RTN1: variants seen among roughly 807,000 people sequenced by gnomAD.
RTN1 encodes the protein reticulon 1.
A neutral mutation model predicts 65.5 loss-of-function variants in RTN1; 25 were observed. The observed-to-expected ratio is 0.38, with a 90% CI of 0.28 to 0.53. The LOEUF (loss-of-function observed/expected upper bound fraction) is 0.53. Among genes scored for constraint, RTN1 ranks in the 20% least tolerant of loss-of-function variants. The pLI, the probability that RTN1 is intolerant of heterozygous loss-of-function variation, is 0.79. For synonymous variants in RTN1, 471 were observed against 447.6 expected, an observed-to-expected ratio of 1.05 and a Z score of -0.66; for missense variants, 983 against 1,025.4, an observed-to-expected ratio of 0.96 and a Z score of 0.57.
chr14:59,810,800 A>G (rs1290656127), intron 1 of RTN1, among the ~76,000 whole-genome samples: 1 of 152,176 alleles, frequency 6.6e-6, no homozygotes, highest in Non-Finnish European at 1.5e-5. Flanking sequence ...CAGCAAGACA[A>G]TATGTTGCGT....
At chr14:59,770,686 A>C (rs1885939204) in intron 1 of RTN1, among the ~76,000 whole-genome samples, 1 of 152,228 alleles carries the variant, frequency 6.6e-6, no homozygotes, top group South Asian at 2.1e-4. Flanking sequence ...GTATTCAAAA[A>C]TGAAAATAAA....
rs143704111 is a variant in RTN1 at position 59,676,085 on chromosome 14, T to C, written c.1765+50834A>G. On this transcript the variant is annotated intron_variant, in intron 3 of 8. Coordinates refer to ENST00000267484, the MANE Select transcript of RTN1 (RefSeq NM_021136.3). ...CTTCATGAGGGGAGGTTCATCATTG[T>C]ATCATTAATACCTAGCATAGTGACT... Among the ~76,000 whole-genome samples, 191 of 152,334 alleles carry C rather than the reference T, an allele frequency of 1.3e-3. 1 individual carries two copies. The highest frequency in any genetic ancestry group is 4.5e-3 in the African/African-American group (186 of 41,562).
chr14:59,793,040 A>G (rs1291952174), intron 1 of RTN1, among the ~76,000 whole-genome samples: 1 of 152,178 alleles, frequency 6.6e-6, no homozygotes, highest in Non-Finnish European at 1.5e-5. Flanking sequence ...CTCTAAAAAT[A>G]TTGTTTTGAG....
chr14:59,864,552 G>GAA (rs56409250), intron 1 of RTN1, among the ~76,000 whole-genome samples: 3 of 150,336 alleles, frequency 2.0e-5, no homozygotes, highest in South Asian at 4.2e-4. Context: ...CCCCCACCAA[G>GAA]AAAAAAAAAG....
chr14:59,830,739 G>T (rs1311722720), intron 1 of RTN1, among the ~76,000 whole-genome samples: 1 of 152,144 alleles, frequency 6.6e-6, no homozygotes, highest in East Asian at 1.9e-4. Context: ...TTAATTTTCT[G>T]ATCTGCAAAA....
At chr14:59,763,960 C>G (rs955212552) in intron 1 of RTN1, among the ~76,000 whole-genome samples, 3 of 152,156 alleles carry the variant, frequency 2.0e-5, no homozygotes, top group African/African-American at 7.2e-5. Flanking sequence ...AGAATAGTTG[C>G]TATTGTGAGG....
rs1887213799 is a variant in RTN1 at position 59,836,414 on chromosome 14, T to C, written c.241+33976A>G. On this transcript the variant is annotated intron_variant, in intron 1 of 8. Transcript: ENST00000267484. The surrounding 1 kb of genome is among the most constrained non-coding windows in gnomAD (Gnocchi z 4.9). ...ATGAGGACTCTCAGGCACAGAGAGA[T>C]TAAGGAACTCCCCACATCACACAAC... 6.6e-6 allele frequency among the ~76,000 whole-genome samples: 1 copy of C among 152,276 alleles called. No homozygotes were observed. The highest frequency in any genetic ancestry group is 3.4e-3 in the Middle Eastern group (1 of 294).
intron 1 of RTN1, among the ~76,000 whole-genome samples, chr14:59,749,542 TATATTTATATAG>T (rs1380622476): frequency 1.1e-4 from 6 of 56,852 alleles, no homozygotes; most frequent in African/African-American, 7.5e-4. Flanking sequence ...TCTATCTATA[TATATTTATATAG>T]ATATCTATAT....
downstream of RTN1, chr14:59,595,982 C>T (rs746235289): frequency 4.6e-5 from 7 of 152,586 alleles, no homozygotes; most frequent in Admixed American, 6.6e-5. Context: ...GGAGAACATT[C>T]TACATTTAGT....
In RTN1 at chr14:59,596,772, G is replaced by A; in HGVS notation, c.2304C>T (p.Ile768=). 4 of 1,611,630 alleles carry A rather than the reference G, an allele frequency of 2.5e-6. No individual in the cohort carries two copies. Among genetic ancestry groups the A allele is most frequent in the Non-Finnish European group, 3.4e-6 (4 of 1,177,850 alleles). The change falls in exon 9 of 9, where the codon ATC becomes ATT. Residue 768 remains isoleucine (I), a synonymous_variant. Transcript: ENST00000267484. ...NAVVAKIQAK[I]PGAKRHAE ...ACTCAGCATGCCTCTTAGCGCCTGG[G>A]ATTTTAGCCTGAATCCTAAAAAGAC...
At chr14:59,869,839 A>T (rs893761104) in intron 1 of RTN1, among the ~76,000 whole-genome samples, 2 of 152,006 alleles carry the variant, frequency 1.3e-5, no homozygotes, top group African/African-American at 4.8e-5. Context: ...GAAAAGGCGG[A>T]GGGATGTGGG....
intron 3 of RTN1, chr14:59,630,873 G>T (rs1426978195): frequency 3.0e-5 from 30 of 990,634 alleles, no homozygotes; most frequent in Non-Finnish European, 3.4e-5. Flanking sequence ...GGGAAAAAGG[G>T]CTGACGGTGG....
intron 1 of RTN1, among the ~76,000 whole-genome samples, chr14:59,823,612 G>A (rs148678136): frequency 3.9e-5 from 6 of 151,986 alleles, no homozygotes; most frequent in Admixed American, 1.3e-4. Context: ...CATCTCTTCC[G>A]GCTTACAAAG....
chr14:59,726,449 T>G (rs1884762204), intron 3 of RTN1, among the ~76,000 whole-genome samples: 1 of 152,198 alleles, frequency 6.6e-6, no homozygotes, highest in Non-Finnish European at 1.5e-5. Flanking sequence ...AGGATGGAGC[T>G]GAGCTCCATT....
At chr14:59,750,012 ATAT>A (rs1364191409) in intron 1 of RTN1, among the ~76,000 whole-genome samples, 2 of 67,346 alleles carry the variant, frequency 3.0e-5, no homozygotes, top group Non-Finnish European at 5.2e-5. Context: ...ATATACATAT[ATAT>A]TATATATTAT....
At chr14:59,761,175 A>C (rs1199334544) in intron 1 of RTN1, among the ~76,000 whole-genome samples, 1 of 152,218 alleles carries the variant, frequency 6.6e-6, no homozygotes, top group Non-Finnish European at 1.5e-5. Context: ...TTTGAAAGAC[A>C]TTAAAGTCAG....
chr14:59,867,053 T>C (rs1887810722), intron 1 of RTN1, among the ~76,000 whole-genome samples: 1 of 152,214 alleles, frequency 6.6e-6, no homozygotes, highest in Admixed American at 6.5e-5. Context: ...CATATTGGAC[T>C]GATTTTTCCT....
At chr14:59,716,967 CAACA>C (rs1312368088) in intron 3 of RTN1, among the ~76,000 whole-genome samples, 6 of 135,838 alleles carry the variant, frequency 4.4e-5, no homozygotes, top group South Asian at 2.6e-4. Flanking sequence ...GACTCCATCT[CAACA>C]AACAAACAAA....
At chr14:59,607,723 A>G in intron 3 of RTN1, 2 of 541,036 alleles carry the variant, frequency 3.7e-6, no homozygotes, top group East Asian at 6.6e-5. Flanking sequence ...CATATAAGAA[A>G]AGACTATTGA....
Sources: gnomAD v4.1 joint callset for allele counts (sites outside exome capture counted in the v4.1 genomes callset) on GRCh38, gnomAD v4.1.1 for gene constraint, Gnocchi (gnomAD v3.1) non-coding constraint, MANE v1.5 for transcripts, NCBI Gene and HGNC (gene_info 2026-07-23, HGNC 2026-07-21) for gene names.